The following CD33 variants were observed in gnomAD, a reference collection of about 807,000 sequenced individuals.
CD33 encodes the protein myeloid cell surface antigen CD33.
Under a neutral mutation model 31.4 loss-of-function variants are expected in CD33, and 25 were observed. The observed-to-expected ratio is 0.80, with a 90% confidence interval of 0.58 to 1.11. The LOEUF (loss-of-function observed/expected upper bound fraction) is 1.11, where lower values mean the gene tolerates loss of function less well. Ranked by LOEUF, CD33 falls within the 50% of genes most tolerant of loss-of-function variation. The probability of loss-of-function intolerance (pLI) is 0.00; values close to 1 mark genes in which losing one functional copy is unlikely to be tolerated. For missense variants in CD33, 407 were observed against 448.1 expected (o/e 0.91, Z 0.83); for synonymous variants, 176 against 180.6 (o/e 0.97, Z 0.20).
chr19:51,234,346 C>A (rs953134668), intron 4 of CD33, among the ~76,000 whole-genome samples: 7 of 152,112 alleles, frequency 4.6e-5, no homozygotes, highest in Non-Finnish European at 1.0e-4. Context: ...ATTTTACAGG[C>A]TTTTTAAAAA....
At chr19:51,226,263 C>A in intron 3 of CD33, 46 bp from the exon 4 acceptor site, 1 of 1,582,572 alleles carries the variant, frequency 6.3e-7, no homozygotes, top group Admixed American at 1.7e-5. Context: ...CTACCCTTAT[C>A]TCATCTCTAC....
the CD33 span, among the ~76,000 whole-genome samples, chr19:51,216,319 T>A: frequency 1.3e-5 from 2 of 151,770 alleles, no homozygotes; most frequent in African/African-American, 4.8e-5. Flanking sequence ...AATCTATAGA[T>A]TCTTTGGTAA....
At position 51,239,624 on chromosome 19, in the gene CD33, A is replaced by G. The variant is rs745923125; in HGVS notation, c.1031A>G (p.Asn344Ser). The change falls in exon 7 of 7, where the codon AAC (asparagine) becomes AGC (serine). Residue 344 changes from asparagine (N) to serine (S), a missense_variant. Asn to Ser is a conservative substitution (Grantham distance 46). Coordinates refer to ENST00000262262, the MANE Select transcript of CD33 (RefSeq NM_001772.4). ...MDEELHYASLNFHGMNPSKDT... is the reference protein window; with the variant it reads ...MDEELHYASLSFHGMNPSKDT... ...GAGGAGCTGCATTATGCTTCCCTCA[A>G]CTTTCATGGGATGAATCCTTCCAAG... The G allele has an allele frequency of 2.5e-6, 4 of 1,613,772 alleles. No homozygotes were observed. Among genetic ancestry groups the G allele is most frequent in the African/African-American group, 1.3e-5 (1 of 74,996 alleles).
chr19:51,234,760 C>G (rs928289298), intron 4 of CD33, among the ~76,000 whole-genome samples: 1 of 152,168 alleles, frequency 6.6e-6, no homozygotes, highest in Non-Finnish European at 1.5e-5. Flanking sequence ...CCACCTTTGA[C>G]CCTAAGTGAT....
upstream of CD33, among the ~76,000 whole-genome samples, chr19:51,223,110 C>CT (rs1443954507): frequency 6.6e-6 from 1 of 151,918 alleles, no homozygotes; most frequent in Admixed American, 6.6e-5. Context: ...ATCCCAGCTA[C>CT]TAGAGAGGAT....
chr19:51,224,302 T>G (rs971408748), upstream of CD33, among the ~76,000 whole-genome samples: 1 of 152,298 alleles, frequency 6.6e-6, no homozygotes, highest in East Asian at 1.9e-4. Context: ...CCTATCTTAG[T>G]GCACCTGAAG....
At chr19:51,220,450 C>G (rs939334183), upstream of CD33, among the ~76,000 whole-genome samples, 1 of 152,178 alleles carries the variant, frequency 6.6e-6, no homozygotes, top group Non-Finnish European at 1.5e-5. Context: ...TGGCTGGTGT[C>G]ATTCCTTGAA....
At chr19:51,216,796 A>G in the CD33 span, among the ~76,000 whole-genome samples, 4 of 152,198 alleles carry the variant, frequency 2.6e-5, no homozygotes, top group African/African-American at 9.7e-5. Flanking sequence ...GAAGCATAAG[A>G]TATACTGGGG....
chr19:51,215,095 C>T, the CD33 span, among the ~76,000 whole-genome samples: 2 of 152,174 alleles, frequency 1.3e-5, no homozygotes, highest in East Asian at 1.9e-4. Context: ...GAAGATCCTG[C>T]TTCTCTGCCT....
chr19:51,222,438 C>T (rs1488392446), upstream of CD33, among the ~76,000 whole-genome samples: 2 of 152,130 alleles, frequency 1.3e-5, no homozygotes, highest in African/African-American at 4.8e-5. Flanking sequence ...AAGACTTGTA[C>T]CTGAATACCT....
chr19:51,211,329 T>TTTCTCAG, the CD33 span: 1 of 1,563,504 alleles, frequency 6.4e-7, no homozygotes. Context: ...ACAACAGGAA[T>TTTCTCAG]TTCTCAGTTC....
At chr19:51,238,519 G>C (rs1177435867) in intron 6 of CD33, 1 of 152,514 alleles carries the variant, frequency 6.6e-6, no homozygotes, top group Non-Finnish European at 1.5e-5. Flanking sequence ...CCAATGACCA[G>C]GAAATTGCAG....
At chr19:51,223,295 T>C (rs1489785605), upstream of CD33, among the ~76,000 whole-genome samples, 1 of 152,158 alleles carries the variant, frequency 6.6e-6, no homozygotes, top group Non-Finnish European at 1.5e-5. Flanking sequence ...TTACAACAGA[T>C]ATTATTTACT....
At chr19:51,228,938 G>T (rs1180527306) in intron 4 of CD33, among the ~76,000 whole-genome samples, 1 of 152,180 alleles carries the variant, frequency 6.6e-6, no homozygotes, top group African/African-American at 2.4e-5. Flanking sequence ...TCAGTACTAT[G>T]TAAAATAAGA....
At chr19:51,228,823 T>A (rs149201050) in intron 4 of CD33, among the ~76,000 whole-genome samples, 2,439 of 152,272 alleles carry the variant, frequency 0.016, 32 homozygotes, top group Non-Finnish European at 0.024. Context: ...CCTGGCCAAG[T>A]CTTTAGGTTT....
rs945855021 is a variant in CD33 at position 51,239,710 on chromosome 19, C to T, written c.*22C>T. The T allele has an allele frequency of 6.3e-7, 1 of 1,592,104 alleles. No individual in the cohort carries two copies. Among genetic ancestry groups the T allele is most frequent in the Admixed American group, 1.7e-5 (1 of 57,796 alleles). On this transcript the variant is annotated 3_prime_UTR_variant, in exon 7 of 7. Transcript: ENST00000262262. ...GTGAGGAACCCACAAGAGCATCAGG[C>T]TCAGCTAGAAGATCCACATCCTCTA...
chr19:51,236,724 T>G (rs1981830953), intron 6 of CD33: 1 of 152,516 alleles, frequency 6.6e-6, no homozygotes, highest in African/African-American at 2.4e-5. Context: ...CATGGCCCCC[T>G]CCTGTCCCAG....
In CD33 at chr19:51,234,851, C is replaced by G. The variant is rs1411312455; in HGVS notation, c.746-306C>G. On this transcript the variant is annotated intron_variant, in intron 4 of 6. Transcript: ENST00000262262. ...TCTCTCTCATCCAAGAGGCTCAGAG[C>G]TTCACAGTCCTTCAGGGGCTATGTC... 2.0e-5 allele frequency among the ~76,000 whole-genome samples: 3 copies of G among 152,194 alleles called. No homozygotes were observed. The East Asian group carries it at 5.8e-4, about 29-fold the overall frequency.
intron 4 of CD33, among the ~76,000 whole-genome samples, chr19:51,232,197 G>A (rs1345115607): frequency 2.6e-5 from 4 of 152,148 alleles, no homozygotes; most frequent in Non-Finnish European, 4.4e-5. Context: ...TGACTGTTAA[G>A]TTTTTTATCT....
Sources: gnomAD v4.1 joint callset for allele counts (sites outside exome capture counted in the v4.1 genomes callset) on GRCh38, gnomAD v4.1.1 for gene constraint, MANE v1.5 for transcripts, NCBI Gene and HGNC (gene_info 2026-07-23, HGNC 2026-07-21) for gene names.